The following PUS7 variants were observed in gnomAD, a reference collection of about 807,000 sequenced individuals.
PUS7 encodes the protein pseudouridine synthase 7, also known as pseudouridylate synthase 7 homolog.
Under a neutral mutation model 79.8 loss-of-function variants are expected in PUS7, and 48 were observed. That is an observed-to-expected ratio of 0.60 (90% CI 0.48 to 0.76). The LOEUF (loss-of-function observed/expected upper bound fraction) is 0.76, where lower values mean the gene tolerates loss of function less well. PUS7 is among the 30% of genes least tolerant of loss of function. The pLI, the probability that PUS7 is intolerant of heterozygous loss-of-function variation, is 0.00. For synonymous variants in PUS7, 286 were observed against 272.2 expected, an observed-to-expected ratio of 1.05 and a Z score of -0.50; for missense variants, 729 against 797.6, an observed-to-expected ratio of 0.91 and a Z score of 1.04.
intron 1 of PUS7, among the ~76,000 whole-genome samples, chr7:105,514,707 G>C (rs1825826665): frequency 6.6e-6 from 1 of 152,154 alleles, no homozygotes; most frequent in African/African-American, 2.4e-5. Flanking sequence ...TATGATCTGA[G>C]TCACATATGG....
At chr7:105,520,448 G>C (rs1194016742) in intron 1 of PUS7, among the ~76,000 whole-genome samples, 1 of 117,482 alleles carries the variant, frequency 8.5e-6, no homozygotes, top group East Asian at 2.0e-4. Flanking sequence ...CCTCAAGCTG[G>C]GTGAATGCTT....
chr7:105,503,462 CATG>C (rs1488150895), intron 4 of PUS7, among the ~76,000 whole-genome samples: 6 of 152,144 alleles, frequency 3.9e-5, no homozygotes, highest in Admixed American at 2.0e-4. Context: ...TCACTAGTTA[CATG>C]ATATTTTCAG....
chr7:105,459,283 A>G (rs1823318605), intron 14 of PUS7, 24 bp from the exon 15 acceptor site: 1 of 1,509,498 alleles, frequency 6.6e-7, no homozygotes, highest in Non-Finnish European at 9.2e-7. Flanking sequence ...GAATAAAGAT[A>G]AGTGTGAATG....
At position 105,457,943 on chromosome 7, in the gene PUS7, A is replaced by G. The variant is rs971356030; in HGVS notation, c.1850-17T>C. 8 of 1,610,846 alleles carry G rather than the reference A, an allele frequency of 5.0e-6. No individual in the cohort carries two copies. The highest frequency in any genetic ancestry group is 5.9e-6 in the Non-Finnish European group (7 of 1,178,790). ...ATTTGCCTTCTGCAAGGCAAGAAAG[A>G]AAACAGTCAGAAAATGAAGGCAGCT... is the stretch of plus-strand genomic sequence containing the variant. On this transcript the variant is annotated splice_polypyrimidine_tract_variant and intron_variant, in intron 15 of 15. Transcript: ENST00000469408.
intron 11 of PUS7, 24 bp from the exon 12 acceptor site, chr7:105,468,487 C>T (rs771319235): frequency 5.8e-6 from 9 of 1,553,200 alleles, no homozygotes; most frequent in Non-Finnish European, 1.7e-6. Context: ...AAAAAATAGG[C>T]AAGAAAACAT....
At position 105,489,141 on chromosome 7, in the gene PUS7, C is replaced by G. The variant is rs145398422; in HGVS notation, c.920+2399G>C. Among the ~76,000 whole-genome samples, 967 of 112,414 alleles carry G rather than the reference C, an allele frequency of 8.6e-3. 9 individuals carry two copies. The highest frequency in any genetic ancestry group is 0.037 in the African/African-American group (927 of 25,246). The allele number at this position is 112,414 out of a possible 152,430, so 73.7% of individuals were successfully genotyped here. A position where few individuals can be genotyped will look rare whatever the true frequency, so the allele number is the denominator to read the frequency against. The stretch of plus-strand genomic sequence containing the variant: ...CCAGCGTGGGCAACAGAGCGAAACT[C>G]CATCTCAAAAAAAAAAAAAAAAAAA... On this transcript the variant is annotated intron_variant, in intron 7 of 15. Coordinates refer to ENST00000469408, the MANE Select transcript of PUS7 (RefSeq NM_019042.5).
intron 9 of PUS7, among the ~76,000 whole-genome samples, chr7:105,476,078 G>C (rs1031280754): frequency 6.8e-6 from 1 of 147,964 alleles, no homozygotes; most frequent in East Asian, 2.0e-4. Flanking sequence ...GGGCTGAGAT[G>C]GCGCCACTGC....
intron 6 of PUS7, among the ~76,000 whole-genome samples, chr7:105,492,508 T>TG (rs1208044885): frequency 5.1e-5 from 7 of 137,580 alleles, no homozygotes; most frequent in African/African-American, 1.9e-4. Context: ...GTATTTTTTT[T>TG]TTTTTTTTTT....
At chr7:105,517,930 A>G (rs1825957135) in intron 1 of PUS7, among the ~76,000 whole-genome samples, 2 of 152,194 alleles carry the variant, frequency 1.3e-5, no homozygotes, top group Non-Finnish European at 2.9e-5. Flanking sequence ...TGGGCAGATC[A>G]CAAGGTCAAA....
chr7:105,457,794 C>A lies in PUS7; in HGVS notation c.1982G>T (p.Arg661Leu). Residue 661 changes from arginine to leucine, a missense_variant, in exon 16 of 16, where the codon CGC becomes CTC. Transcript: ENST00000469408. Reference sequence around the variant, plus strand: ...AATCTGTGGACAAGGTACTGCTCAGCGAAGCCAGGTTGTATTCAGCTGCGT... The same window carrying A: ...AATCTGTGGACAAGGTACTGCTCAGAGAAGCCAGGTTGTATTCAGCTGCGT... ...NQTQLNTTWL[R>L] 6.2e-7 allele frequency: 1 copy of A among 1,613,660 alleles called. No homozygotes were observed.
rs961303641 is a variant in PUS7, at chr7:105,457,157, A to G, written c.*633T>C. 3 of 152,174 alleles carry G rather than the reference A, an allele frequency of 2.0e-5. No individual in the cohort carries two copies. Among genetic ancestry groups the G allele is most frequent in the Admixed American group, 6.5e-5 (1 of 15,268 alleles). 9.4% of individuals were successfully genotyped at this position (152,174 alleles called of 1,614,324 possible). ...CCTGTCTCGAAAAAAAAAATAAAAA[A>G]ATAAAATGGGCCTATCAATGCAACG... On this transcript the variant is annotated 3_prime_UTR_variant, in exon 16 of 16. Coordinates refer to ENST00000469408, the MANE Select transcript of PUS7 (RefSeq NM_019042.5).
chr7:105,472,155 A>T lies in PUS7; in HGVS notation c.1214T>A (p.Leu405Ter), dbSNP rs1450839205. The T allele has an allele frequency of 6.2e-7, 1 of 1,600,962 alleles. No individual in the cohort carries two copies. The highest frequency in any genetic ancestry group is 1.3e-5 in the African/African-American group (1 of 74,750). ...ACCTCCAGAGCGGGGTTTCAATATT[A>T]AATCCATGACTTCTGTCCAGGAATT... Reference protein sequence around the residue: ...LQNSWTEVMDLILKPRSGAEK... With the variant: ...LQNSWTEVMD Residue 405 changes from leucine (L) to a stop codon, truncating the protein, a stop_gained, in exon 10 of 16, where the codon TTA becomes TAA. Transcript: ENST00000469408. LOFTEE classifies it high-confidence loss of function.
At position 105,491,527 on chromosome 7, in the gene PUS7, G is replaced by A. The variant is rs1452442342; in HGVS notation, c.920+13C>T. ...ATTTACAGTATAAATCCTGTTACGT[G>A]CTCTCTACTTACTTGAGAACAGCAA... On this transcript the variant is annotated intron_variant, in intron 7 of 15. Transcript: ENST00000469408. 1.3e-6 allele frequency: 2 copies of A among 1,526,066 alleles called. No homozygotes were observed. 94.5% of individuals were successfully genotyped at this position (1,526,066 alleles called of 1,614,324 possible).
At chr7:105,517,047 T>C (rs930321391) in intron 1 of PUS7, among the ~76,000 whole-genome samples, 1 of 152,184 alleles carries the variant, frequency 6.6e-6, no homozygotes, top group South Asian at 2.1e-4. Context: ...CTATCCATGA[T>C]AGTAATGATG....
At chr7:105,467,039 T>G (rs1294821891) in intron 12 of PUS7, among the ~76,000 whole-genome samples, 1 of 121,050 alleles carries the variant, frequency 8.3e-6, no homozygotes, top group African/African-American at 3.4e-5. Flanking sequence ...TTTCTGTTTT[T>G]TTTTTTTTTT....
intron 2 of PUS7, among the ~76,000 whole-genome samples, chr7:105,506,719 G>A (rs897926731): frequency 1.2e-4 from 19 of 152,060 alleles, no homozygotes; most frequent in African/African-American, 4.3e-4. Flanking sequence ...CACCACATCC[G>A]GTCTTTTCTG....
At chr7:105,509,303 G>C (rs1825614246) in intron 1 of PUS7, among the ~76,000 whole-genome samples, 2 of 151,238 alleles carry the variant, frequency 1.3e-5, no homozygotes, top group Non-Finnish European at 2.9e-5. Context: ...TCCAGATGTT[G>C]GCATACACTT....
rs1823210515 is a variant in PUS7 at position 105,456,896 on chromosome 7, C to T, written c.*894G>A. ...CACGTTTACATCAAGAAAAAAAAAC[C>T]CGGCCAGCACAGCTCATGCCTGTAA... On this transcript the variant is annotated 3_prime_UTR_variant, in exon 16 of 16. Transcript: ENST00000469408. 2 of 151,950 alleles carry T rather than the reference C, an allele frequency of 1.3e-5. No homozygotes were observed. The highest frequency in any genetic ancestry group is 4.8e-5 in the African/African-American group (2 of 41,376). The allele number at this position is 151,950 out of a possible 1,614,324, so 9.4% of individuals were successfully genotyped here. A position where few individuals can be genotyped will look rare whatever the true frequency, so the allele number is the denominator to read the frequency against.
chr7:105,518,012 G>A lies in PUS7; in HGVS notation c.-33+4040C>T, dbSNP rs185030105. Among the ~76,000 whole-genome samples the A allele has an allele frequency of 2.1e-3, 326 of 152,230 alleles. 2 individuals carry two copies. Among genetic ancestry groups the A allele is most frequent in the African/African-American group, 7.6e-3 (316 of 41,546 alleles). On this transcript the variant is annotated intron_variant, in intron 1 of 15. Transcript: ENST00000469408. ...AAAATCCAAAAATTAGCCATGCATG[G>A]TGGTGTGGCCCTGTAATCCCAGCTA...
Sources: allele counts gnomAD v4.1 joint callset (sites outside exome capture counted in the v4.1 genomes callset), GRCh38; gene constraint gnomAD v4.1.1; transcripts MANE v1.5; gene names NCBI Gene and HGNC (gene_info 2026-07-23, HGNC 2026-07-21).